CHRM3: variants seen among roughly 807,000 people sequenced by gnomAD.
The protein encoded by CHRM3 is muscarinic acetylcholine receptor M3.
CHRM3 carries 11 observed loss-of-function variants against 41.8 expected under a neutral mutation model. That is an observed-to-expected ratio of 0.26 (90% CI 0.17 to 0.44). The LOEUF is 0.44. CHRM3 is among the 20% of genes least tolerant of loss of function. CHRM3 has a pLI of 1.00. For synonymous variants in CHRM3, 297 were observed against 301.4 expected, an observed-to-expected ratio of 0.99 and a Z score of 0.15; for missense variants, 571 against 745.4, an observed-to-expected ratio of 0.77 and a Z score of 2.72.
At chr1:239,409,661 T>A (rs1482598268) in intron 1 of CHRM3, among the ~76,000 whole-genome samples, 1 of 152,140 alleles carries the variant, frequency 6.6e-6, no homozygotes, top group African/African-American at 2.4e-5. Context: ...GTCATGAGCT[T>A]TAGTTACTGA....
chr1:239,879,972 T>C (rs1339570932), intron 6 of CHRM3, among the ~76,000 whole-genome samples: 2 of 152,234 alleles, frequency 1.3e-5, no homozygotes, highest in Non-Finnish European at 1.5e-5. Context: ...CAGCCAGGCT[T>C]GTTCTGCCTG....
At chr1:239,678,961 T>G (rs568202343) in intron 5 of CHRM3, among the ~76,000 whole-genome samples, 2 of 152,286 alleles carry the variant, frequency 1.3e-5, no homozygotes, top group African/African-American at 4.8e-5. Context: ...CTGTAGCTTC[T>G]GTCTAATTCA....
intron 2 of CHRM3, among the ~76,000 whole-genome samples, chr1:239,504,727 C>T (rs764454862): frequency 6.6e-6 from 1 of 152,168 alleles, no homozygotes; most frequent in African/African-American, 2.4e-5. Context: ...CAATACTACT[C>T]AGCCATAAAA....
intron 6 of CHRM3, among the ~76,000 whole-genome samples, chr1:239,896,652 A>G (rs546574303): frequency 2.1e-4 from 32 of 152,270 alleles, no homozygotes; most frequent in African/African-American, 7.2e-4. Flanking sequence ...CTCCCTTTAG[A>G]GCAGGGTTTC....
At chr1:239,808,256 CT>C (rs1254764318) in intron 5 of CHRM3, among the ~76,000 whole-genome samples, 1 of 152,066 alleles carries the variant, frequency 6.6e-6, no homozygotes, top group East Asian at 1.9e-4. Context: ...AATTGCAATA[CT>C]TTTTTTTGTT....
intron 4 of CHRM3, among the ~76,000 whole-genome samples, chr1:239,664,270 C>T (rs1673542009): frequency 6.6e-6 from 1 of 152,180 alleles, no homozygotes; most frequent in Admixed American, 6.5e-5. Context: ...ATGTGCATAG[C>T]TTGGGAAGGA....
chr1:239,686,030 A>G (rs1386424351), intron 5 of CHRM3, among the ~76,000 whole-genome samples: 1 of 151,918 alleles, frequency 6.6e-6, no homozygotes. Context: ...TTGACTCCCC[A>G]TCACGCCTCC....
chr1:239,617,659 A>G (rs2148790102), intron 3 of CHRM3, among the ~76,000 whole-genome samples: 1 of 152,174 alleles, frequency 6.6e-6, no homozygotes, highest in East Asian at 1.9e-4. Context: ...ACTTCAGTCC[A>G]GGGGTTCTAG....
intron 6 of CHRM3, chr1:239,898,098 G>C (rs765857439): frequency 3.3e-5 from 5 of 152,216 alleles, no homozygotes; most frequent in Non-Finnish European, 5.9e-5. Flanking sequence ...CTCCATATTA[G>C]GTAACATCTT....
At chr1:239,532,970 A>C (rs1657805000) in intron 2 of CHRM3, among the ~76,000 whole-genome samples, 1 of 152,212 alleles carries the variant, frequency 6.6e-6, no homozygotes, top group Non-Finnish European at 1.5e-5. Flanking sequence ...CCTTCAATTA[A>C]ATAATTTTAA....
intron 3 of CHRM3, among the ~76,000 whole-genome samples, chr1:239,559,961 G>C (rs892050142): frequency 2.0e-5 from 3 of 152,100 alleles, no homozygotes; most frequent in Admixed American, 2.0e-4. Context: ...ATGTCACATT[G>C]CAATTTTTCA....
At chr1:239,629,975 C>G (rs1278932040) in intron 3 of CHRM3, among the ~76,000 whole-genome samples, 1 of 152,162 alleles carries the variant, frequency 6.6e-6, no homozygotes, top group Non-Finnish European at 1.5e-5. Context: ...TGAACCTCAT[C>G]TCTAAATGAA....
intron 2 of CHRM3, among the ~76,000 whole-genome samples, chr1:239,529,322 C>G (rs1055147522): frequency 2.0e-5 from 3 of 151,806 alleles, no homozygotes; most frequent in African/African-American, 7.3e-5. Flanking sequence ...TTATAAGATG[C>G]CTTTTTGGCC....
intron 5 of CHRM3, among the ~76,000 whole-genome samples, chr1:239,781,997 T>G (rs1047987260): frequency 6.6e-6 from 1 of 152,162 alleles, no homozygotes; most frequent in African/African-American, 2.4e-5. Flanking sequence ...CTTTTATGTA[T>G]TGTTGGATTT....
At chr1:239,855,529 T>C (rs1675035241) in intron 6 of CHRM3, among the ~76,000 whole-genome samples, 1 of 152,120 alleles carries the variant, frequency 6.6e-6, no homozygotes, top group Admixed American at 6.6e-5. Context: ...TTGAACCTAG[T>C]CAGCATTAGG....
At chr1:239,603,353 A>T (rs895459464) in intron 3 of CHRM3, among the ~76,000 whole-genome samples, 4 of 152,166 alleles carry the variant, frequency 2.6e-5, no homozygotes, top group Non-Finnish European at 4.4e-5. Flanking sequence ...GCTACTATTT[A>T]AAAAATATCT....
chr1:239,881,521 C>A lies in CHRM3; in HGVS notation c.-19-25912C>A, dbSNP rs79282816. Among the ~76,000 whole-genome samples the A allele has an allele frequency of 7.9e-3, 1,204 of 152,190 alleles. 18 individuals carry two copies. The highest frequency in any genetic ancestry group is 0.027 in the African/African-American group (1,133 of 41,516). ...CAGGTAATCATTGATTACCTCACCA[C>A]TTCTCTCAATCAGATTTTCATCAAA... On this transcript the variant is annotated intron_variant, in intron 6 of 6. Coordinates refer to ENST00000676153, the MANE Select transcript of CHRM3 (RefSeq NM_001375978.1).
At position 239,908,674 on chromosome 1, in the gene CHRM3, T is replaced by A; in HGVS notation, c.1223T>A (p.Leu408Gln). ...GACTTGGAGAGGAAAGCCGACAAGCTGCAGGCCCAGAAGAGCGTGGACGAT... is the reference window on the plus strand; with the variant it reads ...GACTTGGAGAGGAAAGCCGACAAGCAGCAGGCCCAGAAGAGCGTGGACGAT... ...MVDLERKADK[L>Q]QAQKSVDDGG... Residue 408 changes from leucine (L) to glutamine (Q), a missense_variant, in exon 7 of 7, where the codon CTG becomes CAG. By Grantham distance (113) the Leu-to-Gln change is moderately radical. Transcript: ENST00000676153. This position sits in a 1 kb window ranked among gnomAD's most constrained non-coding sequence, Gnocchi z 7.2. 3.1e-6 allele frequency: 5 copies of A among 1,612,942 alleles called. No homozygotes were observed. The highest frequency in any genetic ancestry group is 4.2e-6 in the Non-Finnish European group (5 of 1,179,506).
intron 2 of CHRM3, 40 bp from the exon 3 acceptor site, chr1:239,545,601 C>T (rs1342129430): frequency 6.6e-6 from 1 of 152,080 alleles, no homozygotes; most frequent in Non-Finnish European, 1.5e-5. Flanking sequence ...ATGAGATCAT[C>T]CTTACTGACC....
Sources: gnomAD v4.1 joint callset for allele counts (sites outside exome capture counted in the v4.1 genomes callset) on GRCh38, gnomAD v4.1.1 for gene constraint, Gnocchi (gnomAD v3.1) non-coding constraint, MANE v1.5 for transcripts, NCBI Gene and HGNC (gene_info 2026-07-23, HGNC 2026-07-21) for gene names.